The following NCBP1 variants were observed in gnomAD, a reference collection of about 807,000 sequenced individuals.
NCBP1 encodes the protein nuclear cap binding protein subunit 1.
A neutral mutation model predicts 111.7 loss-of-function variants in NCBP1; 16 were observed. The observed-to-expected ratio is 0.14, with a 90% CI of 0.10 to 0.22. NCBP1 has a LOEUF of 0.22. Among genes scored for constraint, NCBP1 ranks in the 10% least tolerant of loss-of-function variants. NCBP1 has a pLI of 1.00. For synonymous variants in NCBP1, 304 were observed against 314.3 expected (o/e 0.97, Z 0.35); for missense variants, 607 against 957.5 (o/e 0.63, Z 4.83).
In NCBP1 at chr9:97,633,853, C is replaced by A. The variant is rs768379075; in HGVS notation, c.-29C>A. On this transcript the variant is annotated 5_prime_UTR_variant, in exon 1 of 23. Coordinates refer to ENST00000375147, the MANE Select transcript of NCBP1 (RefSeq NM_002486.5). The stretch of plus-strand genomic sequence containing the variant: ...TCCTGCAGCGCTTACCGCCTGGCCT[C>A]TCGGTTCCGCGGCGCACCGGAGGGC... The A allele has an allele frequency of 2.5e-6, 4 of 1,575,106 alleles. No homozygotes were observed. The East Asian group carries it at 9.3e-5, about 37-fold the overall frequency.
chr9:97,661,378 A>G (rs1228377730), intron 16 of NCBP1, among the ~76,000 whole-genome samples: 1 of 152,218 alleles, frequency 6.6e-6, no homozygotes. Flanking sequence ...GGTGTGTTAT[A>G]AAGTTGGATG....
chr9:97,654,778 T>C (rs900003885), intron 11 of NCBP1, 102 bp from the exon 12 acceptor site: 6 of 1,016,854 alleles, frequency 5.9e-6, no homozygotes, highest in Non-Finnish European at 9.0e-6. Context: ...TTCAGCATTA[T>C]TAATCATTAT....
intron 1 of NCBP1, among the ~76,000 whole-genome samples, chr9:97,635,435 C>T (rs1160362832): frequency 3.9e-5 from 5 of 129,688 alleles, no homozygotes; most frequent in African/African-American, 2.0e-4. Context: ...TTTTCTGAGA[C>T]GGAGTGTCAT....
At position 97,655,882 on chromosome 9, in the gene NCBP1, AAT is replaced by A. The variant is rs1442515560; in HGVS notation, c.1298+120_1298+121del. Reference sequence around the variant, plus strand: ...TGGAAACTATTTGTAGTTAAGTACAAATAGTTACAAGTGCAATTATAACTTAA... The same window carrying A: ...TGGAAACTATTTGTAGTTAAGTACAAAGTTACAAGTGCAATTATAACTTAA... On this transcript the variant is annotated intron_variant, in intron 13 of 22. Coordinates refer to ENST00000375147, the MANE Select transcript of NCBP1 (RefSeq NM_002486.5). 29 of 1,327,386 alleles carry A rather than the reference AAT, an allele frequency of 2.2e-5. 1 individual carries two copies. The Admixed American group carries it at 6.2e-4, about 28-fold the overall frequency. 82.2% of individuals were successfully genotyped at this position (1,327,386 alleles called of 1,614,324 possible). A position where few individuals can be genotyped will look rare whatever the true frequency, so the allele number is the denominator to read the frequency against.
intron 10 of NCBP1, among the ~76,000 whole-genome samples, chr9:97,652,219 GT>G (rs1274228178): frequency 6.6e-6 from 1 of 152,180 alleles, no homozygotes; most frequent in East Asian, 1.9e-4. Flanking sequence ...GGCCAGGCTG[GT>G]CTTGAACTCC....
At chr9:97,644,980 A>G (rs1446792912) in intron 4 of NCBP1, 137 bp from the exon 5 acceptor site, 1 of 530,038 alleles carries the variant, frequency 1.9e-6, no homozygotes, top group East Asian at 3.2e-5. Context: ...AGCTATGCAA[A>G]AAACAGGTAG....
At chr9:97,663,117 C>T in intron 18 of NCBP1, 70 bp downstream of exon 18, 2 of 1,194,094 alleles carry the variant, frequency 1.7e-6, no homozygotes, top group East Asian at 2.4e-5. Context: ...CGTTAATTGC[C>T]ATTGTTTTGT....
chr9:97,669,924 C>T (rs533726908), intron 22 of NCBP1: 12 of 572,616 alleles, frequency 2.1e-5, no homozygotes, highest in African/African-American at 1.6e-4. Flanking sequence ...AACAACCCCC[C>T]GCCCCACCTT....
intron 10 of NCBP1, among the ~76,000 whole-genome samples, chr9:97,652,621 A>G (rs1827530334): frequency 6.6e-6 from 1 of 152,194 alleles, no homozygotes; most frequent in African/African-American, 2.4e-5. Context: ...GTCCGTCTCA[A>G]AATAAATAAA....
At chr9:97,640,957 CT>C (rs768404535) in intron 2 of NCBP1, 75 bp downstream of exon 2, 584 of 1,175,230 alleles carry the variant, frequency 5.0e-4, no homozygotes, top group Non-Finnish European at 6.4e-4. Flanking sequence ...ATTTTTGCAG[CT>C]GAAAAGTTGG....
chr9:97,661,186 C>T (rs1486687136), intron 16 of NCBP1, 118 bp downstream of exon 16: 3 of 1,271,810 alleles, frequency 2.4e-6, no homozygotes, highest in Non-Finnish European at 3.2e-6. Context: ...TTGACCTGTT[C>T]AGACTGTTGT....
At chr9:97,647,402 TGCTTTAA>T in intron 6 of NCBP1, 83 bp from the exon 7 acceptor site, 1 of 982,104 alleles carries the variant, frequency 1.0e-6, no homozygotes, top group South Asian at 1.4e-5. Context: ...GTTATTTCAT[TGCTTTAA>T]TTTGCATTTT....
intron 7 of NCBP1, 76 bp from the exon 8 acceptor site, chr9:97,647,932 A>G: frequency 8.2e-7 from 1 of 1,221,384 alleles, no homozygotes; most frequent in Non-Finnish European, 1.2e-6. Flanking sequence ...CCTGTATTTT[A>G]AAGGGTAGTG....
At chr9:97,643,943 C>T (rs1827268274) in intron 4 of NCBP1, among the ~76,000 whole-genome samples, 1 of 152,122 alleles carries the variant, frequency 6.6e-6, no homozygotes, top group South Asian at 2.1e-4. Context: ...CTAGGCTCTG[C>T]ACATGTTGGT....
intron 11 of NCBP1, 150 bp downstream of exon 11, chr9:97,654,058 G>A: frequency 1.7e-6 from 1 of 603,866 alleles, no homozygotes; most frequent in Non-Finnish European, 2.9e-6. Context: ...GTACTTGTAT[G>A]TCTGTAAATA....
At position 97,666,897 on chromosome 9, in the gene NCBP1, G is replaced by GT. The variant is rs754867293; in HGVS notation, c.2016+21dup. ...AAACGGGTAAGTTTTGTGTAAACTT[G>GT]TAAGTAGTTAAAGAAAATATACCAG... On this transcript the variant is annotated intron_variant, in intron 20 of 22. Coordinates refer to ENST00000375147, the MANE Select transcript of NCBP1 (RefSeq NM_002486.5). The GT allele has an allele frequency of 1.0e-5, 15 of 1,486,274 alleles. No individual in the cohort carries two copies. Among genetic ancestry groups the GT allele is most frequent in the Middle Eastern group, 1.7e-4 (1 of 5,722 alleles). The allele number at this position is 1,486,274 out of a possible 1,614,324, so 92.1% of individuals were successfully genotyped here. A position where few individuals can be genotyped will look rare whatever the true frequency, so the allele number is the denominator to read the frequency against.
At chr9:97,647,428 T>A in intron 6 of NCBP1, 64 bp from the exon 7 acceptor site, 1 of 1,267,854 alleles carries the variant, frequency 7.9e-7, no homozygotes, top group Admixed American at 1.8e-5. Context: ...TTAATAACTG[T>A]GAGGGTGACT....
chr9:97,649,292 C>G (rs1432640934), intron 8 of NCBP1, among the ~76,000 whole-genome samples: 2 of 151,868 alleles, frequency 1.3e-5, no homozygotes, highest in Admixed American at 6.6e-5. Context: ...GGGTACTATC[C>G]TGTGTATTGT....
intron 1 of NCBP1, among the ~76,000 whole-genome samples, chr9:97,637,194 G>A (rs1827067967): frequency 6.6e-6 from 1 of 152,114 alleles, no homozygotes. Flanking sequence ...AGATTAAGGG[G>A]GGTAGGATTA....
Sources: gnomAD v4.1 joint callset for allele counts (sites outside exome capture counted in the v4.1 genomes callset) on GRCh38, gnomAD v4.1.1 for gene constraint, MANE v1.5 for transcripts, NCBI Gene and HGNC (gene_info 2026-07-23, HGNC 2026-07-21) for gene names.